GRM7: variants seen among roughly 807,000 people sequenced by gnomAD.
The protein encoded by GRM7 is glutamate metabotropic receptor 7.
In GRM7, 35 loss-of-function variants were observed where a neutral mutation model predicts 84.5. The observed-to-expected ratio is 0.41, with a 90% CI of 0.32 to 0.55. GRM7 has a LOEUF of 0.55. GRM7 is among the 20% of genes least tolerant of loss of function. The pLI, the probability that GRM7 is intolerant of heterozygous loss-of-function variation, is 0.19. For synonymous variants in GRM7, 487 were observed against 455.1 expected (o/e 1.07, Z -0.89); for missense variants, 1,003 against 1,194.6 (o/e 0.84, Z 2.36).
intron 1 of GRM7, among the ~76,000 whole-genome samples, chr3:7,107,225 G>C (rs577366909): frequency 5.3e-5 from 8 of 152,086 alleles, no homozygotes; most frequent in Non-Finnish European, 1.2e-4. Flanking sequence ...AGACACGCAC[G>C]GTTTCTGTTC....
chr3:7,079,042 C>A (rs1409550419), intron 1 of GRM7, among the ~76,000 whole-genome samples: 12 of 152,110 alleles, frequency 7.9e-5, no homozygotes, highest in Admixed American at 6.6e-4. Context: ...AACATGAATG[C>A]TGCATTCTTT....
chr3:7,480,020 C>CA (rs1473943620), intron 7 of GRM7, among the ~76,000 whole-genome samples: 24 of 152,286 alleles, frequency 1.6e-4, no homozygotes, highest in African/African-American at 5.5e-4. Context: ...GGATACCGCA[C>CA]TTGTCAGACA....
chr3:7,540,072 A>G (rs1157487278), intron 7 of GRM7, among the ~76,000 whole-genome samples: 1 of 152,256 alleles, frequency 6.6e-6, no homozygotes, highest in Non-Finnish European at 1.5e-5. Context: ...ATCAAAAGAC[A>G]GACTATAACA....
chr3:7,541,864 A>T (rs1436054623), intron 7 of GRM7, among the ~76,000 whole-genome samples: 1 of 152,148 alleles, frequency 6.6e-6, no homozygotes, highest in Non-Finnish European at 1.5e-5. Context: ...CACAATTCTC[A>T]AGGCTAGAAG....
chr3:6,967,547 T>C (rs1320608768), intron 1 of GRM7, among the ~76,000 whole-genome samples: 1 of 152,216 alleles, frequency 6.6e-6, no homozygotes, highest in Non-Finnish European at 1.5e-5. Context: ...AATATCTTCT[T>C]ACTTTATCAT....
chr3:7,378,784 C>T (rs1479597605), intron 4 of GRM7, among the ~76,000 whole-genome samples: 1 of 152,130 alleles, frequency 6.6e-6, no homozygotes, highest in Non-Finnish European at 1.5e-5. Context: ...GCTTTCAACA[C>T]TTATCAGGAT....
At chr3:7,223,099 TTA>T (rs1218057645) in intron 2 of GRM7, among the ~76,000 whole-genome samples, 1 of 152,174 alleles carries the variant, frequency 6.6e-6, no homozygotes, top group African/African-American at 2.4e-5. Flanking sequence ...GTTGACTAAC[TTA>T]TATATAGGTG....
chr3:6,897,731 A>C (rs1180151388), intron 1 of GRM7, among the ~76,000 whole-genome samples: 1 of 152,250 alleles, frequency 6.6e-6, no homozygotes, highest in Non-Finnish European at 1.5e-5. Flanking sequence ...AAATGTATTA[A>C]GAAGTTCATC....
chr3:7,428,304 T>C (rs1253641268), intron 5 of GRM7, among the ~76,000 whole-genome samples: 3 of 152,198 alleles, frequency 2.0e-5, no homozygotes, highest in African/African-American at 7.2e-5. Flanking sequence ...TTCACTTCTC[T>C]GGTGGAGAAA....
rs551615990 is a variant in GRM7 at position 7,634,662 on chromosome 3, T to C, written c.2452-45387T>C. On this transcript the variant is annotated intron_variant, in intron 8 of 9. Coordinates refer to ENST00000357716, the MANE Select transcript of GRM7 (RefSeq NM_000844.4). The stretch of plus-strand genomic sequence containing the variant: ...ACATAAAATTAGCCGGGCGTGGCGG[T>C]GTGCGCCTGTAGTCCAAGCTACTCG... Among the ~76,000 whole-genome samples, 109 of 151,334 alleles carry C rather than the reference T, an allele frequency of 7.2e-4. 1 individual carries two copies. The East Asian group carries it at 0.02, about 28-fold the overall frequency.
At position 7,097,232 on chromosome 3, in the gene GRM7, C is replaced by A. The variant is rs373249425; in HGVS notation, c.520-49220C>A. Among the ~76,000 whole-genome samples the A allele has an allele frequency of 2.0e-4, 30 of 152,152 alleles. No individual in the cohort carries two copies. In the East Asian group the frequency reaches 4.8e-3, roughly 25 times the overall value. On this transcript the variant is annotated intron_variant, in intron 1 of 9. Transcript: ENST00000357716. The stretch of plus-strand genomic sequence containing the variant: ...CCCTGTCACTACTTAAATTGATAAT[C>A]TAGGTGAATATTGTGCCTACACATA...
intron 7 of GRM7, among the ~76,000 whole-genome samples, chr3:7,470,188 T>C (rs1698641358): frequency 6.6e-6 from 1 of 152,354 alleles, no homozygotes; most frequent in South Asian, 2.1e-4. Flanking sequence ...GAGTAGATTC[T>C]AACTTATTTC....
chr3:7,248,025 G>A (rs1182647102), intron 2 of GRM7, among the ~76,000 whole-genome samples: 1 of 152,154 alleles, frequency 6.6e-6, no homozygotes, highest in South Asian at 2.1e-4. Flanking sequence ...ACGGGTGAGA[G>A]TGTATATGGT....
intron 7 of GRM7, among the ~76,000 whole-genome samples, chr3:7,489,885 G>A (rs896029475): frequency 6.6e-6 from 1 of 151,406 alleles, no homozygotes; most frequent in Non-Finnish European, 1.5e-5. Context: ...ACATATAACA[G>A]ATTCATTAAT....
intron 2 of GRM7, among the ~76,000 whole-genome samples, chr3:7,153,891 A>G (rs769845186): frequency 6.6e-6 from 1 of 152,180 alleles, no homozygotes; most frequent in Non-Finnish European, 1.5e-5. Context: ...TGGTTAGGGC[A>G]TACTACAAGG....
intron 7 of GRM7, among the ~76,000 whole-genome samples, chr3:7,489,814 A>G (rs988629354): frequency 1.3e-5 from 2 of 152,012 alleles, no homozygotes; most frequent in Non-Finnish European, 2.9e-5. Flanking sequence ...CAAAGAATGC[A>G]CAACCTTCAG....
intron 9 of GRM7, among the ~76,000 whole-genome samples, chr3:7,728,739 T>A (rs890124249): frequency 2.0e-5 from 3 of 152,210 alleles, no homozygotes; most frequent in African/African-American, 7.2e-5. Flanking sequence ...TGAAGGCAGA[T>A]GCTGTGGAAG....
At chr3:7,715,107 C>T (rs1327720604) in intron 9 of GRM7, among the ~76,000 whole-genome samples, 1 of 152,144 alleles carries the variant, frequency 6.6e-6, no homozygotes, top group Non-Finnish European at 1.5e-5. Flanking sequence ...GGAATTCTCA[C>T]TGCATGACCC....
intron 9 of GRM7, among the ~76,000 whole-genome samples, chr3:7,739,841 A>G (rs1405785478): frequency 6.6e-6 from 1 of 152,220 alleles, no homozygotes; most frequent in East Asian, 1.9e-4. Flanking sequence ...GCAAATGACC[A>G]TTTATAACTT....
Sources: gnomAD v4.1 joint callset for allele counts (sites outside exome capture counted in the v4.1 genomes callset) on GRCh38, gnomAD v4.1.1 for gene constraint, MANE v1.5 for transcripts, NCBI Gene and HGNC (gene_info 2026-07-23, HGNC 2026-07-21) for gene names.